Variants in HAO2 observed in about 807,000 individuals in gnomAD.
The protein encoded by HAO2 is hydroxyacid oxidase 2.
Under a neutral mutation model 37.4 loss-of-function variants are expected in HAO2, and 42 were observed. That is an observed-to-expected ratio of 1.12 (90% CI 0.88 to 1.45). The LOEUF (loss-of-function observed/expected upper bound fraction) is 1.45, where lower values mean the gene tolerates loss of function less well. Among genes scored for constraint, HAO2 ranks in the 40% most tolerant of loss-of-function variants. The pLI is 0.00. For synonymous variants in HAO2, 180 were observed against 162.8 expected (o/e 1.11, Z -0.81); for missense variants, 476 against 430.2 (o/e 1.11, Z -0.94).
At chr1:119,382,476 C>A (rs1374218068) in intron 2 of HAO2, among the ~76,000 whole-genome samples, 1 of 152,134 alleles carries the variant, frequency 6.6e-6, no homozygotes, top group Non-Finnish European at 1.5e-5. Flanking sequence ...ATTCAGTGAC[C>A]TTTTCTTACT....
intron 1 of HAO2, among the ~76,000 whole-genome samples, chr1:119,375,137 A>C (rs1336904088): frequency 6.6e-6 from 1 of 152,222 alleles, no homozygotes; most frequent in Non-Finnish European, 1.5e-5. Flanking sequence ...TAAAAAAGGA[A>C]AAAAGAAAAA....
Position 119,393,842 on chromosome 1 carries a change from A to G in HAO2, c.*2A>G. 2 of 1,612,540 alleles carry G rather than the reference A, an allele frequency of 1.2e-6. No individual in the cohort carries two copies. The highest frequency in any genetic ancestry group is 1.7e-4 in the Middle Eastern group (1 of 6,046). ...TTGGTCCAGTTTTCCAGGCTGTAAGAAAAAAGGGCCAATAACCAGACTGCT... is the reference window on the plus strand; with the variant it reads ...TTGGTCCAGTTTTCCAGGCTGTAAGGAAAAAGGGCCAATAACCAGACTGCT... On this transcript the variant is annotated 3_prime_UTR_variant, in exon 8 of 8. Transcript: ENST00000325945.
intron 3 of HAO2, 25 bp downstream of exon 3, chr1:119,383,091 C>T (rs754728069): frequency 1.9e-6 from 3 of 1,584,724 alleles, no homozygotes; most frequent in East Asian, 2.3e-5. Context: ...CACCTCGAGG[C>T]TCCTTTCCGG....
At chr1:119,391,640 T>C (rs113203142) in intron 5 of HAO2, among the ~76,000 whole-genome samples, 5 of 152,266 alleles carry the variant, frequency 3.3e-5, no homozygotes, top group African/African-American at 1.2e-4. Flanking sequence ...GTTTCCCAAG[T>C]CAGGATGCAA....
chr1:119,370,900 A>G (rs1165164037), intron 1 of HAO2, among the ~76,000 whole-genome samples: 1 of 152,178 alleles, frequency 6.6e-6, no homozygotes, highest in African/African-American at 2.4e-5. Flanking sequence ...CCACTGTGAG[A>G]TATAGGTACA....
At chr1:119,373,136 C>T in intron 1 of HAO2, among the ~76,000 whole-genome samples, 1 of 152,226 alleles carries the variant, frequency 6.6e-6, no homozygotes, top group South Asian at 2.1e-4. Context: ...CTGCCACACA[C>T]ACCACTCCAC....
intron 5 of HAO2, among the ~76,000 whole-genome samples, chr1:119,389,169 C>T (rs761872338): frequency 0.24 from 3,314 of 14,064 alleles, 564 homozygotes; most frequent in African/African-American, 0.5. Flanking sequence ...TATATATATA[C>T]ACCACAGTTT....
chr1:119,379,753 G>A (rs966042614), intron 1 of HAO2, among the ~76,000 whole-genome samples: 3 of 151,998 alleles, frequency 2.0e-5, no homozygotes, highest in Non-Finnish European at 4.4e-5. Flanking sequence ...TCTGTTTCCT[G>A]TCTGTCATAT....
At chr1:119,372,506 G>A (rs1293451269) in intron 1 of HAO2, among the ~76,000 whole-genome samples, 2 of 152,240 alleles carry the variant, frequency 1.3e-5, no homozygotes, top group Admixed American at 6.5e-5. Flanking sequence ...AGAAGAAGGC[G>A]TGAGAAAGAT....
At chr1:119,382,677 G>T (rs895768546) in intron 2 of HAO2, among the ~76,000 whole-genome samples, 1 of 152,206 alleles carries the variant, frequency 6.6e-6, no homozygotes, top group Non-Finnish European at 1.5e-5. Flanking sequence ...TATGCACAAA[G>T]TGGTTCAGAG....
chr1:119,380,953 A>T (rs1557847043), intron 1 of HAO2, 125 bp from the exon 2 acceptor site: 10 of 840,104 alleles, frequency 1.2e-5, no homozygotes, highest in Non-Finnish European at 1.8e-5. Context: ...CTCTGTTAAG[A>T]TAAGAATACA....
intron 5 of HAO2, among the ~76,000 whole-genome samples, chr1:119,391,544 T>A (rs1650901926): frequency 6.6e-6 from 1 of 152,236 alleles, no homozygotes; most frequent in African/African-American, 2.4e-5. Context: ...TGTTGTACTT[T>A]AGTCCTATCT....
intron 1 of HAO2, among the ~76,000 whole-genome samples, chr1:119,378,221 G>A (rs1304076917): frequency 6.6e-6 from 1 of 152,018 alleles, no homozygotes; most frequent in South Asian, 2.1e-4. Flanking sequence ...CAGCCTGGGC[G>A]ACAGAGTGAG....
At chr1:119,385,229 T>C (rs1362548877) in intron 4 of HAO2, 176 bp downstream of exon 4, 1 of 984,096 alleles carries the variant, frequency 1.0e-6, no homozygotes, top group African/African-American at 1.7e-5. Context: ...CCCTAGAGTT[T>C]CCAGACAAGC....
In HAO2 at chr1:119,392,227, A is replaced by G. The variant is rs771452507; in HGVS notation, c.889A>G (p.Ile297Val). Residue 297 changes from isoleucine to valine, a missense_variant, in exon 6 of 8, where the codon ATT becomes GTT. Transcript: ENST00000325945. ...LKALALGAKCIFLGRPILWGL... is the reference protein window; with the variant it reads ...LKALALGAKCVFLGRPILWGL... ...GGCTCTGGCCCTTGGAGCTAAGTGC[A>G]TTTTTCTTGGGAGACCAATCCTATG... 4 of 1,613,348 alleles carry G rather than the reference A, an allele frequency of 2.5e-6. No homozygotes were observed. The Admixed American group carries it at 6.7e-5, about 27-fold the overall frequency.
chr1:119,375,460 C>T (rs1159668008), intron 1 of HAO2, among the ~76,000 whole-genome samples: 1 of 151,886 alleles, frequency 6.6e-6, no homozygotes, highest in Non-Finnish European at 1.5e-5. Context: ...ATTTTTCAAC[C>T]TACAAAATTA....
chr1:119,387,256 A>G (rs1352448278), intron 5 of HAO2, among the ~76,000 whole-genome samples: 1 of 152,220 alleles, frequency 6.6e-6, no homozygotes, highest in Non-Finnish European at 1.5e-5. Context: ...GCTAAAATCT[A>G]TAAAAGTCCA....
At chr1:119,373,885 A>T (rs1649230827) in intron 1 of HAO2, among the ~76,000 whole-genome samples, 1 of 152,124 alleles carries the variant, frequency 6.6e-6, no homozygotes, top group South Asian at 2.1e-4. Context: ...AATAAAACAA[A>T]CAAAAAAAGG....
intron 1 of HAO2, chr1:119,370,157 A>G (rs1474927072): frequency 2.6e-5 from 4 of 152,072 alleles, no homozygotes; most frequent in African/African-American, 9.7e-5. Flanking sequence ...CAGCTCTTCA[A>G]TCCTTGGCCT....
Sources: allele counts gnomAD v4.1 joint callset (sites outside exome capture counted in the v4.1 genomes callset), GRCh38; gene constraint gnomAD v4.1.1; transcripts MANE v1.5; gene names NCBI Gene and HGNC (gene_info 2026-07-23, HGNC 2026-07-21).